Variants in PRKCZ observed in about 807,000 individuals in gnomAD.
PRKCZ encodes protein kinase C zeta.
PRKCZ carries 33 observed loss-of-function variants against 79.5 expected under a neutral mutation model. That is an observed-to-expected ratio of 0.41 (90% CI 0.31 to 0.55). The LOEUF (loss-of-function observed/expected upper bound fraction) is 0.55. PRKCZ is among the 20% of genes least tolerant of loss of function. PRKCZ has a pLI of 0.19. For missense variants in PRKCZ, 578 were observed against 813.5 expected, an observed-to-expected ratio of 0.71 and a Z score of 3.52; for synonymous variants, 342 against 320.9, an observed-to-expected ratio of 1.07 and a Z score of -0.70.
At chr1:2,074,584 C>T (rs533913018) in intron 4 of PRKCZ, 8 of 508,448 alleles carry the variant, frequency 1.6e-5, no homozygotes, top group East Asian at 6.6e-5. Context: ...TCCAGGCCTG[C>T]GGTCTTTCCG....
intron 10 of PRKCZ, among the ~76,000 whole-genome samples, chr1:2,156,966 A>G (rs1681178446): frequency 6.6e-6 from 1 of 152,192 alleles, no homozygotes; most frequent in African/African-American, 2.4e-5. Context: ...ATACTGGTTC[A>G]TGGGATTATG....
intron 4 of PRKCZ, among the ~76,000 whole-genome samples, chr1:2,132,503 C>T (rs1675190870): frequency 6.6e-6 from 1 of 152,116 alleles, no homozygotes; most frequent in Non-Finnish European, 1.5e-5. Context: ...TTTGGGGCTG[C>T]GGGGGATTGA....
intron 4 of PRKCZ, among the ~76,000 whole-genome samples, chr1:2,085,137 G>T (rs1247301467): frequency 1.3e-5 from 2 of 152,206 alleles, no homozygotes; most frequent in Admixed American, 1.3e-4. Context: ...CGATTCCTCT[G>T]TCAGCTGGGT....
intron 4 of PRKCZ, among the ~76,000 whole-genome samples, chr1:2,084,995 T>G (rs1485350992): frequency 1.4e-5 from 2 of 147,938 alleles, no homozygotes; most frequent in Non-Finnish European, 3.0e-5. Flanking sequence ...GGTGACAGAG[T>G]GAGACCCTCT....
At chr1:2,112,364 C>T (rs564669363) in intron 4 of PRKCZ, among the ~76,000 whole-genome samples, 67 of 152,300 alleles carry the variant, frequency 4.4e-4, no homozygotes, top group African/African-American at 1.4e-3. Context: ...GCGAGGCGGC[C>T]CGCGAACCTC....
rs1467995366 is a variant in PRKCZ, at chr1:2,050,453, G to A, written c.-178G>A. 2.3e-5 allele frequency: 5 copies of A among 218,146 alleles called. No individual in the cohort carries two copies. The highest frequency in any genetic ancestry group is 9.4e-5 in the African/African-American group (4 of 42,646). 13.5% of individuals were successfully genotyped at this position (218,146 alleles called of 1,614,324 possible). ...CGCCCCCGCCGGACGGTCCCGCCCC[G>A]CGCGCCCCCCGCTCCCGCCCCGCGC... On this transcript the variant is annotated 5_prime_UTR_variant, in exon 1 of 18. Coordinates refer to ENST00000378567, the MANE Select transcript of PRKCZ (RefSeq NM_002744.6).
At chr1:2,111,455 C>T (rs1212342989) in intron 4 of PRKCZ, among the ~76,000 whole-genome samples, 1 of 151,418 alleles carries the variant, frequency 6.6e-6, no homozygotes, top group Admixed American at 6.6e-5. Flanking sequence ...CCTTGGTGGT[C>T]TGGGTGTCTC....
chr1:2,179,767 GA>G (rs1429112287), intron 16 of PRKCZ, among the ~76,000 whole-genome samples: 1 of 152,176 alleles, frequency 6.6e-6, no homozygotes, highest in African/African-American at 2.4e-5. Flanking sequence ...AGGCCCCAGG[GA>G]GGAGCAAGGA....
intron 6 of PRKCZ, 100 bp downstream of exon 6, chr1:2,144,441 A>G: frequency 2.0e-6 from 3 of 1,497,588 alleles, no homozygotes; most frequent in Non-Finnish European, 2.7e-6. Flanking sequence ...TGGGTTCTTC[A>G]AGAGGGGCCG....
In PRKCZ at chr1:2,069,023, C is replaced by T. The variant is rs548739115; in HGVS notation, c.334+9432C>T. On this transcript the variant is annotated intron_variant, in intron 4 of 17. Coordinates refer to ENST00000378567, the MANE Select transcript of PRKCZ (RefSeq NM_002744.6). ...CAGTTCCCGCCAGTCACCACCCTGCCGGCTGCCACGGGGACACGTGGCCTG... is the reference window on the plus strand; with the variant it reads ...CAGTTCCCGCCAGTCACCACCCTGCTGGCTGCCACGGGGACACGTGGCCTG... 2.8e-4 allele frequency among the ~76,000 whole-genome samples: 42 copies of T among 152,310 alleles called. 3 individuals are homozygous for T. The South Asian group carries it at 5.6e-3, about 20-fold the overall frequency.
intron 4 of PRKCZ, among the ~76,000 whole-genome samples, chr1:2,064,405 C>T (rs750952892): frequency 1.3e-5 from 2 of 151,928 alleles, no homozygotes; most frequent in Non-Finnish European, 2.9e-5. Flanking sequence ...TCTTTTGTTG[C>T]CTGTGTATTT....
In PRKCZ at chr1:2,174,643, C is replaced by A; in HGVS notation, c.1406-111C>A. Reference sequence around the variant, plus strand: ...CTGGGCTGTAGGAAGGGAGGGGCTCCGGGGCCCCAAGGCTGAGCTCCCAAA... The same window carrying A: ...CTGGGCTGTAGGAAGGGAGGGGCTCAGGGGCCCCAAGGCTGAGCTCCCAAA... On this transcript the variant is annotated intron_variant, in intron 14 of 17. Coordinates refer to ENST00000378567, the MANE Select transcript of PRKCZ (RefSeq NM_002744.6). This position sits in a 1 kb window ranked among gnomAD's most constrained non-coding sequence, Gnocchi z 6.2. 8.9e-7 allele frequency: 1 copy of A among 1,124,368 alleles called. No individual in the cohort carries two copies. Among genetic ancestry groups the A allele is most frequent in the Non-Finnish European group, 1.3e-6 (1 of 773,294 alleles). The allele number at this position is 1,124,368 out of a possible 1,614,324, so 69.6% of individuals were successfully genotyped here.
At chr1:2,101,563 C>T (rs1217961498) in intron 4 of PRKCZ, among the ~76,000 whole-genome samples, 1 of 152,214 alleles carries the variant, frequency 6.6e-6, no homozygotes, top group Non-Finnish European at 1.5e-5. Context: ...AGACCATCAG[C>T]CAGTCTGCGT....
intron 4 of PRKCZ, among the ~76,000 whole-genome samples, chr1:2,109,530 G>C (rs140019654): frequency 6.6e-6 from 1 of 152,228 alleles, no homozygotes; most frequent in Admixed American, 6.5e-5. Flanking sequence ...TCCCTTGGAC[G>C]GTTGAGCAGA....
rs559312775 is a variant in PRKCZ, at chr1:2,174,544, C to G, written c.1406-210C>G. 4.6e-5 allele frequency among the ~76,000 whole-genome samples: 7 copies of G among 152,372 alleles called. No homozygotes were observed. The highest frequency in any genetic ancestry group is 2.6e-4 in the Admixed American group (4 of 15,308). On this transcript the variant is annotated intron_variant, in intron 14 of 17. Coordinates refer to ENST00000378567, the MANE Select transcript of PRKCZ (RefSeq NM_002744.6). This position sits in a 1 kb window ranked among gnomAD's most constrained non-coding sequence, Gnocchi z 6.2. ...GGGGAGCTGCTGGTTCACGTCCGAT[C>G]CTACGACACGTGCCAGCGCATGTAA...
chr1:2,102,926 C>T (rs1282056200), intron 4 of PRKCZ, among the ~76,000 whole-genome samples: 1 of 152,112 alleles, frequency 6.6e-6, no homozygotes, highest in Non-Finnish European at 1.5e-5. Context: ...GTCGCCCAGG[C>T]TGGAGTACAG....
intron 3 of PRKCZ, 142 bp downstream of exon 3, chr1:2,056,715 G>GT: frequency 1.5e-6 from 1 of 661,232 alleles, no homozygotes; most frequent in Middle Eastern, 3.6e-4. Context: ...TGCCATTTGG[G>GT]TTTTTTTCTT....
At chr1:2,150,746 G>A in intron 8 of PRKCZ, 44 bp from the exon 9 acceptor site, 1 of 1,575,894 alleles carries the variant, frequency 6.3e-7, no homozygotes. Context: ...GAGTCTCCCG[G>A]GAACCCCCCT....
intron 5 of PRKCZ, among the ~76,000 whole-genome samples, chr1:2,138,207 G>T (rs185641275): frequency 5.9e-5 from 9 of 152,346 alleles, no homozygotes; most frequent in African/African-American, 2.2e-4. Context: ...GCACCCAGGA[G>T]AAGAGAGACT....
Sources: gnomAD v4.1 joint callset for allele counts (sites outside exome capture counted in the v4.1 genomes callset) on GRCh38, gnomAD v4.1.1 for gene constraint, Gnocchi (gnomAD v3.1) non-coding constraint, MANE v1.5 for transcripts, NCBI Gene and HGNC (gene_info 2026-07-23, HGNC 2026-07-21) for gene names.